Variants in IGFBPL1 observed in about 807,000 individuals in gnomAD.
The protein encoded by IGFBPL1 is insulin-like growth factor-binding protein-like 1.
In IGFBPL1, 20 loss-of-function variants were observed where a neutral mutation model predicts 23.9. The observed-to-expected ratio is 0.84, with a 90% CI of 0.59 to 1.22. The LOEUF (loss-of-function observed/expected upper bound fraction) is 1.22, where lower values mean the gene tolerates loss of function less well. Ranked by LOEUF, IGFBPL1 falls within the 50% of genes most tolerant of loss-of-function variation. The pLI is 0.00. For missense variants in IGFBPL1, 436 were observed against 379.3 expected, an observed-to-expected ratio of 1.15 and a Z score of -1.24; for synonymous variants, 184 against 171.8, an observed-to-expected ratio of 1.07 and a Z score of -0.56.
At chr9:38,418,839 A>C (rs749869122) in intron 1 of IGFBPL1, among the ~76,000 whole-genome samples, 11 of 152,160 alleles carry the variant, frequency 7.2e-5, no homozygotes, top group Non-Finnish European at 1.6e-4. Flanking sequence ...GCACATGGTC[A>C]CAGGAGGCAG....
chr9:38,413,967 C>T, intron 2 of IGFBPL1, 127 bp downstream of exon 2: 1 of 663,476 alleles, frequency 1.5e-6, no homozygotes, highest in Non-Finnish European at 2.7e-6. Context: ...CCTATAAAGG[C>T]ATATATATAT....
In IGFBPL1 at chr9:38,408,816, A is replaced by G. The variant is rs922490059; in HGVS notation, c.*411T>C. Among the ~76,000 whole-genome samples, 1 of 152,206 alleles carries G rather than the reference A, an allele frequency of 6.6e-6. No homozygotes were observed. The highest frequency in any genetic ancestry group is 2.4e-5 in the African/African-American group (1 of 41,452). On this transcript the variant is annotated 3_prime_UTR_variant, in exon 5 of 5. Transcript: ENST00000377694. ...TCAGGTCACACAGCAAGTTACAGTC[A>G]GGCAGAGGACAGCTGGGACCCTCAT...
intron 1 of IGFBPL1, among the ~76,000 whole-genome samples, chr9:38,418,061 A>T (rs1821625278): frequency 6.6e-6 from 1 of 152,188 alleles, no homozygotes; most frequent in African/African-American, 2.4e-5. Flanking sequence ...TGTTTTCTAT[A>T]CAACAATGAA....
At chr9:38,410,800 G>C (rs1396095474) in intron 4 of IGFBPL1, among the ~76,000 whole-genome samples, 1 of 152,224 alleles carries the variant, frequency 6.6e-6, no homozygotes, top group East Asian at 1.9e-4. Context: ...TGTAGGCAAG[G>C]AACAGATGCA....
chr9:38,419,268 A>G (rs1308273894), intron 1 of IGFBPL1, among the ~76,000 whole-genome samples: 2 of 152,140 alleles, frequency 1.3e-5, no homozygotes, highest in African/African-American at 2.4e-5. Context: ...AATAATCAAC[A>G]CACTGAACAG....
chr9:38,421,030 T>C (rs1465172164), intron 1 of IGFBPL1, among the ~76,000 whole-genome samples: 2 of 151,872 alleles, frequency 1.3e-5, no homozygotes, highest in African/African-American at 2.4e-5. Context: ...TGGTATCTCA[T>C]GTCTGTAATT....
In IGFBPL1 at chr9:38,414,163, G is replaced by A; in HGVS notation, c.501C>T (p.Val167=). Residue 167 remains valine (V), a synonymous_variant, in exon 2 of 5, where the codon GTC becomes GTT. Coordinates refer to ENST00000377694, the MANE Select transcript of IGFBPL1 (RefSeq NM_001007563.3). ...VVVPPRSVHN[V]TGAQVGLSCE... ...AGGACAGGCCCACCTGCGCCCCGGT[G>A]ACGTTGTGAACACTTCGGGGAGGAA... 1 of 1,611,734 alleles carries A rather than the reference G, an allele frequency of 6.2e-7. No homozygotes were observed. Among genetic ancestry groups the A allele is most frequent in the Non-Finnish European group, 8.5e-7 (1 of 1,179,004 alleles).
intron 1 of IGFBPL1, among the ~76,000 whole-genome samples, chr9:38,419,639 G>A (rs922766220): frequency 5.9e-5 from 9 of 152,050 alleles, no homozygotes; most frequent in Non-Finnish European, 1.2e-4. Flanking sequence ...CTTGCTGTCC[G>A]TAGGACCCCA....
In IGFBPL1 at chr9:38,414,165, C is replaced by T. The variant is rs142338613; in HGVS notation, c.499G>A (p.Val167Ile). 29 of 1,611,002 alleles carry T rather than the reference C, an allele frequency of 1.8e-5. No homozygotes were observed. The highest frequency in any genetic ancestry group is 2.2e-5 in the East Asian group (1 of 44,840). The change falls in exon 2 of 5, where the codon GTC becomes ATC. Residue 167 changes from valine (V) to isoleucine (I), a missense_variant. Val to Ile is a conservative substitution (Grantham distance 29). Transcript: ENST00000377694. The part of the protein sequence containing the change: ...VVVPPRSVHN[V>I]TGAQVGLSCE... Reference sequence around the variant, plus strand: ...GACAGGCCCACCTGCGCCCCGGTGACGTTGTGAACACTTCGGGGAGGAACG... The same window carrying T: ...GACAGGCCCACCTGCGCCCCGGTGATGTTGTGAACACTTCGGGGAGGAACG...
In IGFBPL1 at chr9:38,408,527, C is replaced by T. The variant is rs1821464779; in HGVS notation, c.*700G>A. Among the ~76,000 whole-genome samples, 1 of 152,164 alleles carries T rather than the reference C, an allele frequency of 6.6e-6. No individual in the cohort carries two copies. The highest frequency in any genetic ancestry group is 2.4e-5 in the African/African-American group (1 of 41,422). On this transcript the variant is annotated 3_prime_UTR_variant, in exon 5 of 5. Coordinates refer to ENST00000377694, the MANE Select transcript of IGFBPL1 (RefSeq NM_001007563.3). ...CTCCTGAGTCTGGTAAAGCATCCCA[C>T]CTAAAACTAAATCTCCTTCAAAGGG...
intron 1 of IGFBPL1, 39 bp from the exon 2 acceptor site, chr9:38,414,242 C>A (rs1309132070): frequency 1.5e-6 from 2 of 1,335,176 alleles, no homozygotes; most frequent in Non-Finnish European, 2.1e-6. Flanking sequence ...CTTTACCCTG[C>A]AGGGTTCCAA....
In IGFBPL1 at chr9:38,411,425, A is replaced by T; in HGVS notation, c.812T>A (p.Phe271Tyr). The change falls in exon 4 of 5, where the codon TTC becomes TAC. Residue 271 changes from phenylalanine (F) to tyrosine (Y), a missense_variant. Coordinates refer to ENST00000377694, the MANE Select transcript of IGFBPL1 (RefSeq NM_001007563.3). ...TCACATGCGGTCATCGGGAGCTGGG[A>T]AGTGGAAGCTCCTGTATTTACTCAG... ...LDLSKYRSFH[F>Y]PAPDDRM 1 of 1,613,668 alleles carries T rather than the reference A, an allele frequency of 6.2e-7. No individual in the cohort carries two copies. The highest frequency in any genetic ancestry group is 1.3e-5 in the African/African-American group (1 of 75,008).
chr9:38,420,786 A>G (rs928903975), intron 1 of IGFBPL1, among the ~76,000 whole-genome samples: 18 of 152,074 alleles, frequency 1.2e-4, no homozygotes, highest in Admixed American at 5.2e-4. Flanking sequence ...GCAGTGAGCC[A>G]AGATCACACC....
Position 38,424,015 on chromosome 9 carries a change from C to T in IGFBPL1, c.410G>A (p.Arg137His). 3.5e-6 allele frequency: 5 copies of T among 1,409,036 alleles called. No individual in the cohort carries two copies. In the South Asian group the frequency reaches 6.1e-5, roughly 17 times the overall value. The allele number at this position is 1,409,036 out of a possible 1,614,324, so 87.3% of individuals were successfully genotyped here. Residue 137 changes from arginine to histidine, a missense_variant, in exon 1 of 5, where the codon CGC (arginine) becomes CAC (histidine). By Grantham distance (29) the Arg-to-His change is conservative. Transcript: ENST00000377694. ...ALRLRARHTP[R>H]AHPGHLHKAR... The stretch of plus-strand genomic sequence containing the variant: ...CTTGTGCAGGTGACCGGGGTGCGCG[C>T]GGGGCGTGTGCCGAGCGCGCAGGCG...
In IGFBPL1 at chr9:38,413,242, T is replaced by C. The variant is rs201785046; in HGVS notation, c.682A>G (p.Ile228Val). Residue 228 changes from isoleucine (I) to valine (V), a missense_variant, in exon 3 of 5, where the codon ATT (isoleucine) becomes GTT (valine). Coordinates refer to ENST00000377694, the MANE Select transcript of IGFBPL1 (RefSeq NM_001007563.3). ...GPSDHEATAW[I>V]LINPLRKEDE... is the part of the protein sequence containing the mutation. The stretch of plus-strand genomic sequence containing the variant: ...CAATAATCCTAAACACTCACCAAAA[T>C]CCAGGCCGTGGCCTCATGGTCAGAA... 8.3e-5 allele frequency: 133 copies of C among 1,603,742 alleles called. No homozygotes were observed. The highest frequency in any genetic ancestry group is 1.2e-4 in the Admixed American group (7 of 59,962).
At chr9:38,413,979 A>C in intron 2 of IGFBPL1, 115 bp downstream of exon 2, 1 of 703,166 alleles carries the variant, frequency 1.4e-6, no homozygotes, top group East Asian at 2.6e-5. Flanking sequence ...TATATATATA[A>C]ACACACTTAA....
chr9:38,406,543 T>A lies in IGFBPL1; in HGVS notation c.*2684A>T, dbSNP rs949155833. On this transcript the variant is annotated 3_prime_UTR_variant, in exon 5 of 5. Transcript: ENST00000377694. ...CCACAAAGACTGTCCTTAAAAACAT[T>A]TATTTTTTTCAGGGTGCAGGGGTCG... Among the ~76,000 whole-genome samples the A allele has an allele frequency of 2.0e-5, 3 of 152,114 alleles. No individual in the cohort carries two copies. The highest frequency in any genetic ancestry group is 6.5e-5 in the Admixed American group (1 of 15,278).
At chr9:38,420,415 G>A (rs183210850) in intron 1 of IGFBPL1, among the ~76,000 whole-genome samples, 1 of 152,348 alleles carries the variant, frequency 6.6e-6, no homozygotes, top group Admixed American at 6.5e-5. Context: ...AGGGACAAGT[G>A]ACAAACCTTG....
Position 38,406,582 on chromosome 9 carries a change from T to A in IGFBPL1, c.*2645A>T, listed in dbSNP as rs1214630977. Among the ~76,000 whole-genome samples, 1 of 152,118 alleles carries A rather than the reference T, an allele frequency of 6.6e-6. No homozygotes were observed. The highest frequency in any genetic ancestry group is 1.5e-5 in the Non-Finnish European group (1 of 68,014). ...GTGCAGGGGTCGTGACATCATGACA[T>A]CTACAAAAACGGTAGAAAAACCCAG... On this transcript the variant is annotated 3_prime_UTR_variant, in exon 5 of 5. Coordinates refer to ENST00000377694, the MANE Select transcript of IGFBPL1 (RefSeq NM_001007563.3).
Sources: gnomAD v4.1 joint callset for allele counts (sites outside exome capture counted in the v4.1 genomes callset) on GRCh38, gnomAD v4.1.1 for gene constraint, MANE v1.5 for transcripts, NCBI Gene and HGNC (gene_info 2026-07-23, HGNC 2026-07-21) for gene names.